KIF21A: variants seen among roughly 807,000 people sequenced by gnomAD.
KIF21A encodes the protein kinesin-like protein KIF21A.
KIF21A carries 114 observed loss-of-function variants against 202.9 expected under a neutral mutation model. The ratio of observed to expected loss-of-function variants is 0.56; its 90% CI spans 0.48 to 0.66. The LOEUF is 0.66. Ranked by LOEUF, KIF21A falls within the 30% of genes least tolerant of loss-of-function variation. The pLI is 0.00. For missense variants in KIF21A, 1,677 were observed against 1,994.9 expected (o/e 0.84, Z 3.04); for synonymous variants, 667 against 670.8 (o/e 0.99, Z 0.09).
intron 1 of KIF21A, 137 bp from the exon 2 acceptor site, chr12:39,370,398 T>A (rs1273320463): frequency 7.6e-6 from 5 of 655,450 alleles, no homozygotes. Context: ...AGTTGAAAAG[T>A]TTAAATAAAT....
In KIF21A at chr12:39,301,626, GTCTGGCACCAC is replaced by G; in HGVS notation, c.4774_4784del (p.Val1592ProfsTer31). 1 of 1,614,018 alleles carries G rather than the reference GTCTGGCACCAC, an allele frequency of 6.2e-7. No homozygotes were observed. The highest frequency in any genetic ancestry group is 1.1e-5 in the South Asian group (1 of 91,066). On this transcript the variant is annotated frameshift_variant, in exon 37 of 38. Coordinates refer to ENST00000361418, the MANE Select transcript of KIF21A (RefSeq NM_001173464.2). LOFTEE classifies it high-confidence loss of function. Reference sequence around the variant, plus strand: ...TGCAGCCACTGAGCAAAACTGGGTGGTCTGGCACCACTCCCAGGGCACAGACCCAATCCTTA... The same window carrying G: ...TGCAGCCACTGAGCAAAACTGGGTGGTCCCAGGGCACAGACCCAATCCTTA...
Position 39,304,915 on chromosome 12 carries a change from G to A in KIF21A, c.4466C>T (p.Thr1489Ile). The A allele has an allele frequency of 6.3e-7, 1 of 1,595,656 alleles. No individual in the cohort carries two copies. Among genetic ancestry groups the A allele is most frequent in the Non-Finnish European group, 8.6e-7 (1 of 1,164,268 alleles). Residue 1489 changes from threonine (T) to isoleucine (I), a missense_variant, in exon 35 of 38, where the codon ACA becomes ATA. By Grantham distance (89) the Thr-to-Ile change is moderately conservative (BLOSUM62 -1). Around this residue, in one of 3 missense-constraint regions of KIF21A, gnomAD observed 705 missense variants for 791.9 expected, o/e 0.89. Coordinates refer to ENST00000361418, the MANE Select transcript of KIF21A (RefSeq NM_001173464.2). ...LKRFQSTGKL[T>I]GHLGPVMCLT... ...GCACATAACAGGGCCTAGGTGTCCT[G>A]TTAACTTTCCTGTAGACTGAAACCT... is the stretch of plus-strand genomic sequence containing the variant.
intron 34 of KIF21A, among the ~76,000 whole-genome samples, chr12:39,305,342 G>C (rs1457402315): frequency 2.7e-5 from 4 of 148,750 alleles, no homozygotes; most frequent in African/African-American, 1.0e-4. Context: ...CTCCGGCCTG[G>C]GCAACAGAGC....
intron 23 of KIF21A, among the ~76,000 whole-genome samples, chr12:39,330,471 C>T (rs1946415441): frequency 6.6e-6 from 1 of 152,140 alleles, no homozygotes; most frequent in Non-Finnish European, 1.5e-5. Context: ...ATTTAGATAA[C>T]CAATACGAAA....
chr12:39,333,031 G>A lies in KIF21A; in HGVS notation c.2564C>T (p.Ser855Phe), dbSNP rs767549345. 6.2e-7 allele frequency: 1 copy of A among 1,614,116 alleles called. No individual in the cohort carries two copies. Among genetic ancestry groups the A allele is most frequent in the Non-Finnish European group, 8.5e-7 (1 of 1,180,006 alleles). The stretch of plus-strand genomic sequence containing the variant: ...ACCTGTGTCCTGAGCAGGTGCATCA[G>A]ATGAACTCAGCTTCCGAGTAACTTT... ...AGKVTRKLSS[S>F]DAPAQDTGSS... The change falls in exon 19 of 38, where the codon TCT becomes TTT. Residue 855 changes from serine (S) to phenylalanine (F), a missense_variant. By Grantham distance (155) the Ser-to-Phe change is radical (BLOSUM62 -2). Transcript: ENST00000361418.
At chr12:39,408,831 T>C (rs1282586079) in intron 1 of KIF21A, among the ~76,000 whole-genome samples, 1 of 151,512 alleles carries the variant, frequency 6.6e-6, no homozygotes, top group East Asian at 1.9e-4. Context: ...TTTTTGTTTT[T>C]TTTTTGGAGA....
rs1440536304 is a variant in KIF21A at position 39,346,457 on chromosome 12, T to C, written c.1712+9A>G. On this transcript the variant is annotated intron_variant, in intron 12 of 37. Coordinates refer to ENST00000361418, the MANE Select transcript of KIF21A (RefSeq NM_001173464.2). ...ACATTTTAATAAAAAACCTGGGAAA[T>C]ATTCCAACCTTCTTTCTTCTCGATT... is the stretch of plus-strand genomic sequence containing the variant. The C allele has an allele frequency of 6.8e-7, 1 of 1,460,146 alleles. No individual in the cohort carries two copies. The highest frequency in any genetic ancestry group is 1.5e-5 in the South Asian group (1 of 68,336). The allele number at this position is 1,460,146 out of a possible 1,614,324, so 90.4% of individuals were successfully genotyped here. A position where few individuals can be genotyped will look rare whatever the true frequency, so the allele number is the denominator to read the frequency against.
intron 35 of KIF21A, 113 bp downstream of exon 35, chr12:39,304,708 C>A (rs1943286401): frequency 1.5e-6 from 1 of 666,936 alleles, no homozygotes; most frequent in African/African-American, 1.8e-5. Flanking sequence ...AAAGAAAAAG[C>A]AAAGACTAGA....
At chr12:39,295,118 G>C (rs1942169922) in intron 37 of KIF21A, among the ~76,000 whole-genome samples, 1 of 152,172 alleles carries the variant, frequency 6.6e-6, no homozygotes, top group Non-Finnish European at 1.5e-5. Flanking sequence ...AGAGGCTATT[G>C]AGAAGTGAAC....
intron 1 of KIF21A, among the ~76,000 whole-genome samples, chr12:39,376,664 C>T (rs554504427): frequency 6.6e-6 from 1 of 152,218 alleles, no homozygotes; most frequent in South Asian, 2.1e-4. Flanking sequence ...GTGCAAGAAC[C>T]CATACATTTT....
At chr12:39,373,019 A>G (rs1950059203) in intron 1 of KIF21A, among the ~76,000 whole-genome samples, 1 of 152,168 alleles carries the variant, frequency 6.6e-6, no homozygotes, top group Non-Finnish European at 1.5e-5. Flanking sequence ...GGCCATCATT[A>G]TCTCTTACTT....
At chr12:39,425,037 T>C (rs1374432958) in intron 1 of KIF21A, among the ~76,000 whole-genome samples, 1 of 152,152 alleles carries the variant, frequency 6.6e-6, no homozygotes, top group Admixed American at 6.6e-5. Flanking sequence ...ATACTGTCCT[T>C]CTCACCTGTC....
chr12:39,423,538 T>C (rs1429041846), intron 1 of KIF21A, among the ~76,000 whole-genome samples: 1 of 151,046 alleles, frequency 6.6e-6, no homozygotes, highest in Non-Finnish European at 1.5e-5. Context: ...CTTAAAATCA[T>C]TCTCATTTTT....
intron 16 of KIF21A, among the ~76,000 whole-genome samples, chr12:39,339,145 G>T (rs1365044867): frequency 6.6e-6 from 1 of 151,542 alleles, no homozygotes; most frequent in African/African-American, 2.4e-5. Flanking sequence ...TGGGCATGGT[G>T]GTGTGCACCT....
intron 1 of KIF21A, among the ~76,000 whole-genome samples, chr12:39,420,704 G>A (rs1230953765): frequency 6.6e-6 from 1 of 151,972 alleles, no homozygotes; most frequent in Non-Finnish European, 1.5e-5. Flanking sequence ...AGATTAGGCA[G>A]TACTCTAATT....
chr12:39,333,160 T>A (rs547812079), intron 18 of KIF21A, 52 bp downstream of exon 18: 1 of 1,606,272 alleles, frequency 6.2e-7, no homozygotes, highest in South Asian at 1.1e-5. Context: ...AAATACATCA[T>A]TTATCTCAAA....
At chr12:39,305,467 T>C (rs1425709120) in intron 34 of KIF21A, among the ~76,000 whole-genome samples, 1 of 151,346 alleles carries the variant, frequency 6.6e-6, no homozygotes, top group Non-Finnish European at 1.5e-5. Flanking sequence ...CACTGCAGTC[T>C]CAATCTCCTG....
chr12:39,420,402 CCCAAGGGTGTAATGG>C (rs1339548301), intron 1 of KIF21A, among the ~76,000 whole-genome samples: 1 of 152,018 alleles, frequency 6.6e-6, no homozygotes, highest in African/African-American at 2.4e-5. Context: ...TTACAAAGAA[CCCAAGGGTGTAATGG>C]CCAGCTAATG....
chr12:39,390,418 G>A (rs1169551537), intron 1 of KIF21A, among the ~76,000 whole-genome samples: 1 of 152,064 alleles, frequency 6.6e-6, no homozygotes, highest in African/African-American at 2.4e-5. Flanking sequence ...AGGAAAAGTA[G>A]AGACAAACAG....
Sources: allele counts gnomAD v4.1 joint callset (sites outside exome capture counted in the v4.1 genomes callset), GRCh38; gene constraint gnomAD v4.1.1; regional missense constraint gnomAD v4.1.1; transcripts MANE v1.5; gene names NCBI Gene and HGNC (gene_info 2026-07-23, HGNC 2026-07-21).